Variants in SDK1 observed in about 807,000 individuals in gnomAD.
SDK1 encodes the protein protein sidekick-1.
A neutral mutation model predicts 245.5 loss-of-function variants in SDK1; 157 were observed. The observed-to-expected ratio is 0.64, with a 90% confidence interval of 0.56 to 0.73. The LOEUF is 0.73. Ranked by LOEUF, SDK1 falls within the 30% of genes least tolerant of loss-of-function variation. SDK1 has a pLI of 0.00. For synonymous variants in SDK1, 1,647 were observed against 1,278.5 expected (o/e 1.29, Z -6.15); for missense variants, 3,583 against 3,002.3 (o/e 1.19, Z -4.52).
intron 1 of SDK1, among the ~76,000 whole-genome samples, chr7:3,309,202 T>C (rs1013077713): frequency 3.9e-5 from 6 of 152,118 alleles, no homozygotes; most frequent in African/African-American, 1.4e-4. Flanking sequence ...CAGTTTTGTC[T>C]TCTCTCTAGG....
At chr7:3,687,212 G>A (rs1317600250) in intron 4 of SDK1, among the ~76,000 whole-genome samples, 2 of 146,962 alleles carry the variant, frequency 1.4e-5, no homozygotes, top group South Asian at 2.1e-4. Flanking sequence ...TCTCTCTGTC[G>A]CCAGGCTGGA....
At chr7:3,772,810 C>T (rs948499940) in intron 4 of SDK1, among the ~76,000 whole-genome samples, 2 of 152,162 alleles carry the variant, frequency 1.3e-5, no homozygotes, top group Non-Finnish European at 2.9e-5. Flanking sequence ...CTTAATTCCA[C>T]CCTCACATCT....
intron 17 of SDK1, among the ~76,000 whole-genome samples, chr7:4,039,153 G>A (rs967084369): frequency 1.0e-4 from 15 of 147,148 alleles, no homozygotes; most frequent in African/African-American, 3.2e-4. Context: ...GGCCTGTTGT[G>A]GGGTGGGGGG....
intron 25 of SDK1, among the ~76,000 whole-genome samples, chr7:4,119,612 TC>T (rs1408966258): frequency 6.7e-6 from 1 of 148,522 alleles, no homozygotes; most frequent in East Asian, 1.9e-4. Context: ...GATTTTACTC[TC>T]CTCCAAAAAT....
intron 1 of SDK1, among the ~76,000 whole-genome samples, chr7:3,371,278 C>T (rs1163826257): frequency 8.7e-6 from 1 of 114,700 alleles, no homozygotes; most frequent in Non-Finnish European, 2.1e-5. Flanking sequence ...TGTTACCCAT[C>T]TGTGCAGGAA....
chr7:3,464,098 T>C (rs1780915396), intron 1 of SDK1, among the ~76,000 whole-genome samples: 1 of 152,230 alleles, frequency 6.6e-6, no homozygotes, highest in Non-Finnish European at 1.5e-5. Context: ...AAAATTATTC[T>C]AAAAATACGC....
At position 3,639,452 on chromosome 7, in the gene SDK1, T is replaced by A. The variant is rs940258108; in HGVS notation, c.565+342T>A. 2.6e-5 allele frequency among the ~76,000 whole-genome samples: 4 copies of A among 152,206 alleles called. No homozygotes were observed. In the East Asian group the frequency reaches 7.7e-4, roughly 29 times the overall value. ...TCAAAATGTTTTTAAAGTATAAAGT[T>A]CAACCCAATTAGGTCAAAGTTCGTC... On this transcript the variant is annotated intron_variant, in intron 3 of 44. Transcript: ENST00000404826.
intron 4 of SDK1, among the ~76,000 whole-genome samples, chr7:3,673,075 A>G (rs1431580450): frequency 6.6e-6 from 1 of 152,086 alleles, no homozygotes; most frequent in Non-Finnish European, 1.5e-5. Context: ...AAGTATGAAG[A>G]TACTTCCTTG....
intron 1 of SDK1, among the ~76,000 whole-genome samples, chr7:3,349,915 A>G (rs56806161): frequency 0.2 from 30,053 of 152,098 alleles, 3,207 homozygotes; most frequent in African/African-American, 0.29. Flanking sequence ...GAGTACATGT[A>G]TCTTAAGACC....
intron 5 of SDK1, among the ~76,000 whole-genome samples, chr7:3,878,312 A>C (rs866438015): frequency 6.6e-6 from 1 of 152,310 alleles, no homozygotes; most frequent in Middle Eastern, 3.4e-3. Flanking sequence ...CGAGGTCAGC[A>C]GATCAAGACC....
chr7:3,516,885 A>C (rs1782769997), intron 1 of SDK1, among the ~76,000 whole-genome samples: 1 of 152,142 alleles, frequency 6.6e-6, no homozygotes, highest in Non-Finnish European at 1.5e-5. Flanking sequence ...GGACATGAAA[A>C]AGTGCTCATT....
At chr7:4,254,014 G>C (rs920783633) in intron 44 of SDK1, among the ~76,000 whole-genome samples, 3 of 151,900 alleles carry the variant, frequency 2.0e-5, no homozygotes, top group African/African-American at 7.3e-5. Flanking sequence ...TCTTACTCTA[G>C]TATTATTATC....
At chr7:3,502,623 C>T (rs144268898) in intron 1 of SDK1, among the ~76,000 whole-genome samples, 45 of 152,290 alleles carry the variant, frequency 3.0e-4, no homozygotes, top group African/African-American at 1.1e-3. Flanking sequence ...GATTTACATA[C>T]ATTTTCAGAA....
chr7:3,640,921 A>G (rs929270419), intron 3 of SDK1, among the ~76,000 whole-genome samples: 1 of 151,766 alleles, frequency 6.6e-6, no homozygotes, highest in Non-Finnish European at 1.5e-5. Flanking sequence ...TGACCTCGTG[A>G]TCCACCCGCC....
intron 1 of SDK1, among the ~76,000 whole-genome samples, chr7:3,373,725 T>C (rs962059102): frequency 5.9e-5 from 9 of 152,096 alleles, no homozygotes; most frequent in African/African-American, 2.2e-4. Flanking sequence ...TTTGAAGATA[T>C]TATATGATTA....
At chr7:4,084,675 CGTTATGTTAT>C (rs60696477) in intron 22 of SDK1, among the ~76,000 whole-genome samples, 4,437 of 119,748 alleles carry the variant, frequency 0.037, 106 homozygotes, top group Middle Eastern at 0.066. Context: ...TGTTATGTTA[CGTTATGTTAT>C]GTTATGTTAT....
At chr7:3,884,082 TG>T (rs1263505652) in intron 5 of SDK1, among the ~76,000 whole-genome samples, 52 of 137,286 alleles carry the variant, frequency 3.8e-4, no homozygotes, top group African/African-American at 1.1e-3. Context: ...TTTGTTTTTT[TG>T]TTTTTTTTTT....
intron 1 of SDK1, among the ~76,000 whole-genome samples, chr7:3,449,053 A>T (rs1780432932): frequency 6.6e-6 from 1 of 152,204 alleles, no homozygotes; most frequent in Non-Finnish European, 1.5e-5. Flanking sequence ...AACATAGTGA[A>T]GAAAGGCATT....
intron 25 of SDK1, among the ~76,000 whole-genome samples, chr7:4,118,713 T>C (rs1431833758): frequency 1.3e-5 from 2 of 149,464 alleles, no homozygotes; most frequent in Non-Finnish European, 3.0e-5. Flanking sequence ...AAATAAAATG[T>C]GGTCTATGCA....
Sources: gnomAD v4.1 joint callset for allele counts (sites outside exome capture counted in the v4.1 genomes callset) on GRCh38, gnomAD v4.1.1 for gene constraint, MANE v1.5 for transcripts, NCBI Gene and HGNC (gene_info 2026-07-23, HGNC 2026-07-21) for gene names.